The following VTI1A variants were observed in gnomAD, a reference collection of about 807,000 sequenced individuals.
The protein encoded by VTI1A is vesicle transport through interaction with t-SNAREs 1A, also known as vesicle transport through interaction with t-SNAREs homolog 1A.
Under a neutral mutation model 34.9 loss-of-function variants are expected in VTI1A, and 22 were observed. The observed-to-expected ratio is 0.63, with a 90% CI of 0.45 to 0.90. VTI1A has a LOEUF of 0.90. Ranked by LOEUF, VTI1A falls within the 40% of genes least tolerant of loss-of-function variation. The pLI is 0.00. For missense variants in VTI1A, 268 were observed against 275.6 expected, an observed-to-expected ratio of 0.97 and a Z score of 0.20; for synonymous variants, 87 against 97.3, an observed-to-expected ratio of 0.89 and a Z score of 0.62.
intron 7 of VTI1A, among the ~76,000 whole-genome samples, chr10:112,729,847 C>T (rs749944117): frequency 3.3e-5 from 5 of 152,212 alleles, no homozygotes; most frequent in South Asian, 2.1e-4. Flanking sequence ...GCCTCTTCAG[C>T]GCTCTAGTGG....
chr10:112,796,705 G>A (rs536324961), intron 7 of VTI1A, among the ~76,000 whole-genome samples: 2 of 152,246 alleles, frequency 1.3e-5, no homozygotes, highest in South Asian at 2.1e-4. Context: ...GTTCTTCCTG[G>A]GCCTGTAAAA....
chr10:112,514,634 G>A (rs372984076), intron 3 of VTI1A, among the ~76,000 whole-genome samples: 3 of 151,744 alleles, frequency 2.0e-5, no homozygotes, highest in Non-Finnish European at 2.9e-5. Context: ...GACATTCATT[G>A]CTATAAACTC....
chr10:112,779,992 A>T (rs1852067913), intron 7 of VTI1A, among the ~76,000 whole-genome samples: 2 of 151,752 alleles, frequency 1.3e-5, no homozygotes, highest in African/African-American at 2.4e-5. Context: ...AGATTGTTTA[A>T]TTCTAAACTT....
At chr10:112,795,139 C>G (rs920089284) in intron 7 of VTI1A, among the ~76,000 whole-genome samples, 4 of 152,196 alleles carry the variant, frequency 2.6e-5, no homozygotes, top group Admixed American at 6.5e-5. Context: ...GCAAGACATT[C>G]TGTGACTTGT....
chr10:112,620,557 G>A (rs989228440), intron 5 of VTI1A, among the ~76,000 whole-genome samples: 19 of 152,098 alleles, frequency 1.2e-4, no homozygotes, highest in Admixed American at 1.0e-3. Context: ...TTGGGAGGCC[G>A]AGGCGGGTGG....
the VTI1A span, among the ~76,000 whole-genome samples, chr10:112,830,849 A>ATATATATATTTTTTTTTTTT: frequency 1.5e-4 from 5 of 33,512 alleles, no homozygotes; most frequent in African/African-American, 2.9e-4. Flanking sequence ...ATATATATAT[A>ATATATATATTTTTTTTTTTT]TTTTTTTTTT....
At chr10:112,604,963 T>G (rs1845019360) in intron 5 of VTI1A, among the ~76,000 whole-genome samples, 1 of 152,296 alleles carries the variant, frequency 6.6e-6, no homozygotes, top group South Asian at 2.1e-4. Flanking sequence ...ATTCTACCTC[T>G]CTTATATAGG....
chr10:112,744,090 G>A (rs1235637736), intron 7 of VTI1A, among the ~76,000 whole-genome samples: 5 of 152,122 alleles, frequency 3.3e-5, no homozygotes, highest in Admixed American at 1.3e-4. Flanking sequence ...ATAAGAAATT[G>A]CCAGTATTCA....
intron 5 of VTI1A, among the ~76,000 whole-genome samples, chr10:112,665,507 A>G (rs1271482410): frequency 6.6e-6 from 1 of 152,176 alleles, no homozygotes; most frequent in Non-Finnish European, 1.5e-5. Flanking sequence ...CGCTCTTGCC[A>G]ATATCTCTTC....
In VTI1A at chr10:112,618,524, T is replaced by TATATAGAGAG. The variant is rs748276058; in HGVS notation, c.428-49693_428-49692insTATAGAGAGA. 1.1e-3 allele frequency among the ~76,000 whole-genome samples: 39 copies of TATATAGAGAG among 34,570 alleles called. 1 individual carries two copies. Among genetic ancestry groups the TATATAGAGAG allele is most frequent in the South Asian group, 3.3e-3 (2 of 614 alleles). The allele number at this position is 34,570 out of a possible 152,430, so 22.7% of individuals were successfully genotyped here. On this transcript the variant is annotated intron_variant, in intron 5 of 7. Coordinates refer to ENST00000393077, the MANE Select transcript of VTI1A (RefSeq NM_145206.4). Reference sequence around the variant, plus strand: ...ATATATATATATATATATATATATATAGAGAGAGAGAGAGAGAGAGAGAGT... The same window carrying TATATAGAGAG: ...ATATATATATATATATATATATATATATATAGAGAGAGAGAGAGAGAGAGAGAGAGAGAGT...
intron 7 of VTI1A, among the ~76,000 whole-genome samples, chr10:112,711,151 A>G (rs910360944): frequency 1.3e-5 from 2 of 152,236 alleles, no homozygotes; most frequent in East Asian, 3.8e-4. Flanking sequence ...GAGTTAATGA[A>G]TAGCTTCATT....
At chr10:112,745,680 A>G (rs1031681475) in intron 7 of VTI1A, among the ~76,000 whole-genome samples, 15 of 152,258 alleles carry the variant, frequency 9.9e-5, no homozygotes, top group African/African-American at 3.6e-4. Context: ...ATGCTGTCCA[A>G]CATGAAAGGG....
chr10:112,621,949 G>T (rs1845753286), intron 5 of VTI1A, among the ~76,000 whole-genome samples: 1 of 152,174 alleles, frequency 6.6e-6, no homozygotes, highest in South Asian at 2.1e-4. Context: ...ATCACCGGGT[G>T]CTTCTTTACT....
At chr10:112,730,327 T>A (rs1173657632) in intron 7 of VTI1A, among the ~76,000 whole-genome samples, 6 of 152,212 alleles carry the variant, frequency 3.9e-5, no homozygotes, top group Admixed American at 3.9e-4. Context: ...CTTCAGGAGC[T>A]TATTGATAAT....
intron 5 of VTI1A, among the ~76,000 whole-genome samples, chr10:112,629,468 T>C (rs1371500103): frequency 2.0e-5 from 3 of 152,220 alleles, no homozygotes; most frequent in Non-Finnish European, 4.4e-5. Flanking sequence ...TTCCCCCACA[T>C]TGGAATTAAG....
chr10:112,762,723 T>C (rs577625159), intron 7 of VTI1A, among the ~76,000 whole-genome samples: 55 of 152,314 alleles, frequency 3.6e-4, no homozygotes, highest in African/African-American at 1.3e-3. Flanking sequence ...TTGTTGAATA[T>C]GAGGCTATCA....
At chr10:112,598,214 A>C (rs182468543) in intron 5 of VTI1A, among the ~76,000 whole-genome samples, 17 of 152,328 alleles carry the variant, frequency 1.1e-4, no homozygotes, top group Non-Finnish European at 2.1e-4. Context: ...ACTCTTGGGC[A>C]CCTTGATTTT....
chr10:112,830,842 TATATATA>T, the VTI1A span, among the ~76,000 whole-genome samples: 5 of 52,416 alleles, frequency 9.5e-5, no homozygotes, highest in Admixed American at 2.5e-4. Flanking sequence ...TATATATATA[TATATATA>T]TTTTTTTTTT....
chr10:112,687,325 C>G (rs1050882096), intron 7 of VTI1A, among the ~76,000 whole-genome samples: 1 of 148,034 alleles, frequency 6.8e-6, no homozygotes, highest in Non-Finnish European at 1.5e-5. Flanking sequence ...GCTCCACCTC[C>G]CGGGTTCACG....
Sources: gnomAD v4.1 joint callset for allele counts (sites outside exome capture counted in the v4.1 genomes callset) on GRCh38, gnomAD v4.1.1 for gene constraint, MANE v1.5 for transcripts, NCBI Gene and HGNC (gene_info 2026-07-23, HGNC 2026-07-21) for gene names.